PGAM5: variants seen among roughly 807,000 people sequenced by gnomAD.
PGAM5 encodes serine/threonine-protein phosphatase PGAM5, mitochondrial.
Under a neutral mutation model 30.6 loss-of-function variants are expected in PGAM5, and 25 were observed. That is an observed-to-expected ratio of 0.82 (90% CI 0.60 to 1.14). The LOEUF is 1.14. Among genes scored for constraint, PGAM5 ranks in the 50% most tolerant of loss-of-function variants. PGAM5 has a pLI of 0.00. For synonymous variants in PGAM5, 201 were observed against 179.1 expected (o/e 1.12, Z -0.98); for missense variants, 384 against 408.5 (o/e 0.94, Z 0.52).
Position 132,715,010 on chromosome 12 carries a change from A to G in PGAM5, c.344A>G (p.Glu115Gly), listed in dbSNP as rs202199212. Residue 115 changes from glutamate (E) to glycine (G), a missense_variant, in exon 2 of 6, where the codon GAG becomes GGG. By Grantham distance (98) the Glu-to-Gly change is moderately conservative. Coordinates refer to ENST00000498926, the MANE Select transcript of PGAM5 (RefSeq NM_001170543.2). ...HSQYHVDGSL[E>G]KDRTLTPLGR... ...CAGTACCACGTGGATGGCTCCCTGG[A>G]GAAGGACCGCACTCTGACCCCGCTG... The G allele has an allele frequency of 6.2e-7, 1 of 1,612,862 alleles. No individual in the cohort carries two copies. Among genetic ancestry groups the G allele is most frequent in the East Asian group, 2.2e-5 (1 of 44,870 alleles).
At chr12:132,718,934 G>C in intron 5 of PGAM5, 1 of 1,549,664 alleles carries the variant, frequency 6.5e-7, no homozygotes. Flanking sequence ...TGCTCCCTCG[G>C]GGGGCCCTTG....
chr12:132,715,105 C>G, intron 2 of PGAM5, 69 bp downstream of exon 2: 1 of 1,456,132 alleles, frequency 6.9e-7, no homozygotes, highest in Non-Finnish European at 9.2e-7. Context: ...CTGCTGGCGC[C>G]TTGGTTATGT....
At chr12:132,715,584 A>AAAG (rs61600425) in intron 2 of PGAM5, among the ~76,000 whole-genome samples, 1 of 142,318 alleles carries the variant, frequency 7.0e-6, no homozygotes, top group Non-Finnish European at 1.5e-5. Context: ...AAAAAAAAAA[A>AAAG]TGTCCTTACC....
intron 2 of PGAM5, 55 bp downstream of exon 2, chr12:132,715,091 A>G (rs2043561670): frequency 9.2e-7 from 1 of 1,083,236 alleles, no homozygotes; most frequent in Non-Finnish European, 1.3e-6. Flanking sequence ...GGCCAGGTGC[A>G]TATCTGCTGG....
In PGAM5 at chr12:132,715,016, A is replaced by G. The variant is rs1305865245; in HGVS notation, c.350A>G (p.Asp117Gly). 1.2e-6 allele frequency: 2 copies of G among 1,612,512 alleles called. No individual in the cohort carries two copies. Among genetic ancestry groups the G allele is most frequent in the South Asian group, 1.1e-5 (1 of 91,008 alleles). ...CACGTGGATGGCTCCCTGGAGAAGG[A>G]CCGCACTCTGACCCCGCTGGGTATG... ...QYHVDGSLEK[D>G]RTLTPLGREQ... Residue 117 changes from aspartate (D) to glycine (G), a missense_variant, in exon 2 of 6, where the codon GAC becomes GGC. Asp to Gly is a moderately conservative substitution (Grantham distance 94, BLOSUM62 -1). Transcript: ENST00000498926.
intron 5 of PGAM5, among the ~76,000 whole-genome samples, 188 bp from the exon 6 acceptor site, chr12:132,720,490 G>A (rs957437177): frequency 1.5e-4 from 23 of 152,054 alleles, no homozygotes; most frequent in African/African-American, 3.6e-4. Flanking sequence ...TGTATTTTTA[G>A]TAGAGATGGG....
chr12:132,717,025 C>T (rs7486197), intron 2 of PGAM5, among the ~76,000 whole-genome samples: 46,784 of 152,144 alleles, frequency 0.31, 8,422 homozygotes, highest in Non-Finnish European at 0.41. Context: ...TGTTGGCCTC[C>T]GCCATGGCGC....
Position 132,722,467 on chromosome 12 carries a change from C to G in PGAM5, c.*1639C>G, listed in dbSNP as rs2043656205. ...GTTTCACCGTGTTGGCCAGGCTGGTCTCGAACTCCTGACCTCGTGATCTAC... is the reference window on the plus strand; with the variant it reads ...GTTTCACCGTGTTGGCCAGGCTGGTGTCGAACTCCTGACCTCGTGATCTAC... On this transcript the variant is annotated 3_prime_UTR_variant, in exon 6 of 6. Coordinates refer to ENST00000498926, the MANE Select transcript of PGAM5 (RefSeq NM_001170543.2). 6.6e-6 allele frequency: 1 copy of G among 151,826 alleles called. No homozygotes were observed. Among genetic ancestry groups the G allele is most frequent in the East Asian group, 2.0e-4 (1 of 5,098 alleles). 9.4% of individuals were successfully genotyped at this position (151,826 alleles called of 1,614,324 possible).
In PGAM5 at chr12:132,720,803, C is replaced by G. The variant is rs749998839; in HGVS notation, c.845C>G (p.Pro282Arg). 1.0e-4 allele frequency: 159 copies of G among 1,536,340 alleles called. 1 individual carries two copies. Among genetic ancestry groups the G allele is most frequent in the Admixed American group, 2.0e-5 (1 of 50,958 alleles). The change falls in exon 6 of 6, where the codon CCT (proline) becomes CGT (arginine). Residue 282 changes from proline (P) to arginine (R), a missense_variant. Physicochemically the swap from Pro to Arg is moderately radical, Grantham distance 103. Coordinates refer to ENST00000498926, the MANE Select transcript of PGAM5 (RefSeq NM_001170543.2). ...LRTLGDTGFMPPDKITRS is the reference protein window; with the variant it reads ...LRTLGDTGFMRPDKITRS ...ACCCTCGGGGACACGGGGTTCATGC[C>G]TCCCGACAAGATCACTCGATCCTGA...
intron 1 of PGAM5, among the ~76,000 whole-genome samples, chr12:132,714,067 G>C (rs1293978983): frequency 6.6e-6 from 1 of 152,058 alleles, no homozygotes; most frequent in East Asian, 1.9e-4. Context: ...GCCCAGACTG[G>C]AGTGCAGTGG....
intron 4 of PGAM5, 30 bp downstream of exon 4, chr12:132,717,828 C>G: frequency 6.3e-7 from 1 of 1,578,366 alleles, no homozygotes; most frequent in Non-Finnish European, 8.6e-7. Flanking sequence ...GCAGCTGTGT[C>G]ACCCTCGCCT....
At chr12:132,713,114 C>T (rs974823998) in intron 1 of PGAM5, among the ~76,000 whole-genome samples, 1 of 152,108 alleles carries the variant, frequency 6.6e-6, no homozygotes, top group Non-Finnish European at 1.5e-5. Flanking sequence ...GAGCCCAGAT[C>T]GTGCCACTGC....
chr12:132,720,892 C>T lies in PGAM5; in HGVS notation c.*64C>T. ...GGCCGCACACACTTAACGTTTTGTT[C>T]CCAAGGAGACCGGCGGAAAGTAGAA... is the stretch of plus-strand genomic sequence containing the variant. On this transcript the variant is annotated 3_prime_UTR_variant, in exon 6 of 6. Transcript: ENST00000498926. 6.8e-7 allele frequency: 1 copy of T among 1,471,740 alleles called. No individual in the cohort carries two copies. Among genetic ancestry groups the T allele is most frequent in the Non-Finnish European group, 9.0e-7 (1 of 1,108,846 alleles). 91.2% of individuals were successfully genotyped at this position (1,471,740 alleles called of 1,614,324 possible).
intron 1 of PGAM5, among the ~76,000 whole-genome samples, chr12:132,713,050 C>G (rs1444340074): frequency 6.6e-6 from 1 of 152,082 alleles, no homozygotes; most frequent in African/African-American, 2.4e-5. Flanking sequence ...GTCCTAGCTA[C>G]TTGGGAGGCT....
chr12:132,716,476 G>T (rs538719336), intron 2 of PGAM5, among the ~76,000 whole-genome samples: 3 of 151,372 alleles, frequency 2.0e-5, no homozygotes, highest in African/African-American at 4.9e-5. Flanking sequence ...TAATCCGCCC[G>T]CCTTGGCCTC....
At chr12:132,717,918 G>A in intron 4 of PGAM5, 69 bp from the exon 5 acceptor site, 22 of 1,601,634 alleles carry the variant, frequency 1.4e-5, no homozygotes, top group Non-Finnish European at 1.9e-5. Flanking sequence ...GGCGGCGATG[G>A]GGTCTGTCCT....
At position 132,717,710 on chromosome 12, in the gene PGAM5, G is replaced by A; in HGVS notation, c.497G>A (p.Gly166Asp). The change falls in exon 4 of 6, where the codon GGC becomes GAC. Residue 166 changes from glycine (G) to aspartate (D), a missense_variant and splice_region_variant. Gly to Asp is a moderately conservative substitution (Grantham distance 94, BLOSUM62 -1). Transcript: ENST00000498926. ...TTDIISRHLPGVCKVSTDLLR... is the reference protein window; with the variant it reads ...TTDIISRHLPDVCKVSTDLLR... ...AGCGCTTCGCTGTGCTTCTCTGCAG[G>A]CGTCTGCAAAGTCAGCACAGATCTG... 6.4e-7 allele frequency: 1 copy of A among 1,571,094 alleles called. No individual in the cohort carries two copies.
intron 1 of PGAM5, among the ~76,000 whole-genome samples, chr12:132,713,016 C>A (rs553984559): frequency 4.6e-5 from 7 of 151,934 alleles, no homozygotes; most frequent in Non-Finnish European, 1.0e-4. Context: ...AAAAATTAGC[C>A]AGGCATGGTG....
chr12:132,721,782 T>C lies in PGAM5; in HGVS notation c.*954T>C, dbSNP rs1383360982. The C allele has an allele frequency of 6.6e-6, 1 of 152,016 alleles. No homozygotes were observed. Among genetic ancestry groups the C allele is most frequent in the African/African-American group, 2.4e-5 (1 of 41,382 alleles). 9.4% of individuals were successfully genotyped at this position (152,016 alleles called of 1,614,324 possible). ...TTTTGTATTTTTAGTAAAGACAGGG[T>C]TTCATGGAGAAACCAATATAGAATT... On this transcript the variant is annotated 3_prime_UTR_variant, in exon 6 of 6. Transcript: ENST00000498926.
Sources: allele counts gnomAD v4.1 joint callset (sites outside exome capture counted in the v4.1 genomes callset), GRCh38; gene constraint gnomAD v4.1.1; transcripts MANE v1.5; gene names NCBI Gene and HGNC (gene_info 2026-07-23, HGNC 2026-07-21).